The following PLEKHA3 variants were observed in gnomAD, a reference collection of about 807,000 sequenced individuals.
The protein encoded by PLEKHA3 is pleckstrin homology domain-containing family A member 3.
Under a neutral mutation model 39.2 loss-of-function variants are expected in PLEKHA3, and 19 were observed. The ratio of observed to expected loss-of-function variants is 0.48; its 90% CI spans 0.34 to 0.71. PLEKHA3 has a LOEUF of 0.71. Among genes scored for constraint, PLEKHA3 ranks in the 30% least tolerant of loss-of-function variants. The probability of loss-of-function intolerance (pLI) is 0.01; values close to 1 mark genes in which losing one functional copy is unlikely to be tolerated. For missense variants in PLEKHA3, 253 were observed against 359.5 expected, an observed-to-expected ratio of 0.70 and a Z score of 2.40; for synonymous variants, 97 against 118.6, an observed-to-expected ratio of 0.82 and a Z score of 1.18.
At position 178,506,794 on chromosome 2, in the gene PLEKHA3, T is replaced by A. The variant is rs1231615300; in HGVS notation, c.*2907T>A. 2 of 152,206 alleles carry A rather than the reference T, an allele frequency of 1.3e-5. No individual in the cohort carries two copies. The highest frequency in any genetic ancestry group is 4.8e-5 in the African/African-American group (2 of 41,442). 9.4% of individuals were successfully genotyped at this position (152,206 alleles called of 1,614,324 possible). Reference sequence around the variant, plus strand: ...TGTCCTGGCCTGAAAGAAAGCCAGATTAGGCTGCAGGAGTTCCTTTGAGGA... The same window carrying A: ...TGTCCTGGCCTGAAAGAAAGCCAGAATAGGCTGCAGGAGTTCCTTTGAGGA... On this transcript the variant is annotated 3_prime_UTR_variant, in exon 8 of 8. Transcript: ENST00000234453.
chr2:178,495,729 T>A (rs1685431490), intron 5 of PLEKHA3, 69 bp downstream of exon 5: 1 of 1,497,522 alleles, frequency 6.7e-7, no homozygotes, highest in East Asian at 2.3e-5. Flanking sequence ...TTCATTTTGG[T>A]ATTTATTTTT....
rs146862822 is a variant in PLEKHA3 at position 178,495,614 on chromosome 2, A to G, written c.569A>G (p.His190Arg). 3 of 1,613,560 alleles carry G rather than the reference A, an allele frequency of 1.9e-6. No individual in the cohort carries two copies. Among genetic ancestry groups the G allele is most frequent in the African/African-American group, 1.3e-5 (1 of 74,906 alleles). The change falls in exon 5 of 8, where the codon CAT becomes CGT. Residue 190 changes from histidine (H) to arginine (R), a missense_variant. Around this residue, in one of 2 missense-constraint regions of PLEKHA3, gnomAD observed 127 missense variants for 136.8 expected, o/e 0.93. Coordinates refer to ENST00000234453, the MANE Select transcript of PLEKHA3 (RefSeq NM_019091.4). ...KFKPEMFQLH[H>R]PDPLVSPVSP... ...AAACCTGAGATGTTTCAACTGCACC[A>G]TCCGGATCCCTTAGTTTCTCCTGTG...
chr2:178,499,080 A>ATT (rs3214536), intron 5 of PLEKHA3, 131 bp from the exon 6 acceptor site: 1,396 of 666,034 alleles, frequency 2.1e-3, no homozygotes, highest in South Asian at 4.6e-3. Flanking sequence ...GAAAGATTAA[A>ATT]TTTTTTTTTG....
At chr2:178,484,976 CAT>C (rs2154127557) in intron 1 of PLEKHA3, among the ~76,000 whole-genome samples, 1 of 152,322 alleles carries the variant, frequency 6.6e-6, no homozygotes, top group East Asian at 1.9e-4. Flanking sequence ...AAGAGGGGGT[CAT>C]ATGGGGAATC....
At position 178,489,277 on chromosome 2, in the gene PLEKHA3, T is replaced by A. The variant is rs1685305587; in HGVS notation, c.158-1382T>A. 2.0e-5 allele frequency among the ~76,000 whole-genome samples: 3 copies of A among 152,282 alleles called. No homozygotes were observed. In the South Asian group the frequency reaches 6.2e-4, roughly 32 times the overall value. On this transcript the variant is annotated intron_variant, in intron 2 of 7. Transcript: ENST00000234453. ...GACCCATATAAGTAGAATAATAAGA[T>A]AGCAACATTTCTGTGGCACTTACTT... is the stretch of plus-strand genomic sequence containing the variant.
intron 7 of PLEKHA3, 106 bp from the exon 8 acceptor site, chr2:178,503,654 C>A (rs1399394126): frequency 4.1e-6 from 5 of 1,212,182 alleles, no homozygotes; most frequent in Non-Finnish European, 5.7e-6. Flanking sequence ...TAGCCAGAAG[C>A]TAAAGGAATT....
rs780328452 is a variant in PLEKHA3, at chr2:178,493,883, C to G, written c.344C>G (p.Thr115Ser). 6.2e-7 allele frequency: 1 copy of G among 1,613,402 alleles called. No individual in the cohort carries two copies. The highest frequency in any genetic ancestry group is 2.2e-5 in the East Asian group (1 of 44,846). The stretch of plus-strand genomic sequence containing the variant: ...AGTGAAACCAGTGAATCGCTGAAAA[C>G]CAAAATGTCTGAACTTCGCCTCTAC... ...EISETSESLK[T>S]KMSELRLYCD... Residue 115 changes from threonine (T) to serine (S), a missense_variant, in exon 4 of 8, where the codon ACC becomes AGC. Around this residue, in one of 2 missense-constraint regions of PLEKHA3, gnomAD observed 126 missense variants for 222.7 expected, o/e 0.57. Transcript: ENST00000234453.
chr2:178,494,032 G>A (rs1379625466), intron 4 of PLEKHA3, 43 bp downstream of exon 4: 1 of 1,574,170 alleles, frequency 6.4e-7, no homozygotes, highest in East Asian at 2.3e-5. Flanking sequence ...ATGCTTTGGA[G>A]TACTCTGGGG....
At position 178,512,614 on chromosome 2, in the gene PLEKHA3, C is replaced by T. The variant is rs1196535898; in HGVS notation, c.*8727C>T. Reference sequence around the variant, plus strand: ...AGCCATCAGGAGCTATAACCACACTCTTCTTTCTCAACCTTTTCTGGTATT... The same window carrying T: ...AGCCATCAGGAGCTATAACCACACTTTTCTTTCTCAACCTTTTCTGGTATT... On this transcript the variant is annotated 3_prime_UTR_variant, in exon 8 of 8. Coordinates refer to ENST00000234453, the MANE Select transcript of PLEKHA3 (RefSeq NM_019091.4). 6.5e-6 allele frequency: 1 copy of T among 153,692 alleles called. No individual in the cohort carries two copies. The highest frequency in any genetic ancestry group is 2.4e-5 in the African/African-American group (1 of 41,454). The allele number at this position is 153,692 out of a possible 1,614,324, so 9.5% of individuals were successfully genotyped here. A position where few individuals can be genotyped will look rare whatever the true frequency, so the allele number is the denominator to read the frequency against.
chr2:178,488,064 A>T (rs997672972), intron 2 of PLEKHA3, among the ~76,000 whole-genome samples: 2 of 152,012 alleles, frequency 1.3e-5, no homozygotes, highest in Non-Finnish European at 2.9e-5. Flanking sequence ...GCTTGTGCTC[A>T]GGAGTTCGAG....
intron 2 of PLEKHA3, among the ~76,000 whole-genome samples, chr2:178,489,219 T>C (rs183864646): frequency 1.3e-5 from 2 of 152,324 alleles, no homozygotes; most frequent in Admixed American, 1.3e-4. Context: ...GATTGTTGCA[T>C]GGTTGTATGT....
rs1449730725 is a variant in PLEKHA3 at position 178,513,731 on chromosome 2, A to C, written c.*9844A>C. ...GTAGAAGTTACCACTACTTGGTCAA[A>C]ATAGAGAGTTGTGGGTTTTTTTTTT... is the stretch of plus-strand genomic sequence containing the variant. On this transcript the variant is annotated 3_prime_UTR_variant, in exon 8 of 8. Transcript: ENST00000234453. 3.3e-5 allele frequency: 5 copies of C among 152,046 alleles called. No individual in the cohort carries two copies. Among genetic ancestry groups the C allele is most frequent in the Non-Finnish European group, 7.4e-5 (5 of 67,982 alleles). The allele number at this position is 152,046 out of a possible 1,614,324, so 9.4% of individuals were successfully genotyped here.
chr2:178,493,543 A>G (rs1391952114), intron 3 of PLEKHA3, among the ~76,000 whole-genome samples: 2 of 152,242 alleles, frequency 1.3e-5, no homozygotes, highest in Non-Finnish European at 2.9e-5. Flanking sequence ...AGCAATTCAC[A>G]AAAGAAAACC....
chr2:178,507,658 G>GTTTTTTTTTTTTTTTTT lies in PLEKHA3; in HGVS notation c.*3791_*3807dup, dbSNP rs35052196. The GTTTTTTTTTTTTTTTTT allele has an allele frequency of 3.5e-4, 10 of 28,814 alleles. 2 individuals are homozygous for GTTTTTTTTTTTTTTTTT. The highest frequency in any genetic ancestry group is 4.9e-3 in the South Asian group (2 of 408). 1.8% of individuals were successfully genotyped at this position (28,814 alleles called of 1,614,324 possible). On this transcript the variant is annotated 3_prime_UTR_variant, in exon 8 of 8. Transcript: ENST00000234453. ...CCTTTAGTTTTTAGTCTCACATTAG[G>GTTTTTTTTTTTTTTTTT]TTTTTTTTTTTTTTTTTTTTTTTTT...
intron 3 of PLEKHA3, among the ~76,000 whole-genome samples, chr2:178,492,556 G>A (rs1685366250): frequency 6.6e-6 from 1 of 151,310 alleles, no homozygotes; most frequent in African/African-American, 2.4e-5. Flanking sequence ...GCACCAGCAT[G>A]GCACATGTAT....
At chr2:178,485,479 C>T (rs950600628) in intron 1 of PLEKHA3, among the ~76,000 whole-genome samples, 162 bp from the exon 2 acceptor site, 2 of 152,136 alleles carry the variant, frequency 1.3e-5, no homozygotes, top group African/African-American at 2.4e-5. Flanking sequence ...GAGACTGATG[C>T]AAAAACATTT....
At chr2:178,503,531 TC>T (rs1685562512) in intron 7 of PLEKHA3, among the ~76,000 whole-genome samples, 4 of 151,980 alleles carry the variant, frequency 2.6e-5, no homozygotes, top group African/African-American at 9.7e-5. Context: ...AATCTCTACT[TC>T]AGGCAATTTC....
chr2:178,504,820 A>G lies in PLEKHA3; in HGVS notation c.*933A>G, dbSNP rs1000134292. 2.0e-5 allele frequency: 3 copies of G among 152,478 alleles called. No homozygotes were observed. The highest frequency in any genetic ancestry group is 6.6e-5 in the Admixed American group (1 of 15,258). The allele number at this position is 152,478 out of a possible 1,614,324, so 9.4% of individuals were successfully genotyped here. A position where few individuals can be genotyped will look rare whatever the true frequency, so the allele number is the denominator to read the frequency against. ...ATTTATACAAAAAGGAATTCTGTCA[A>G]GATGACTGCTCTATATCACTTGAGA... On this transcript the variant is annotated 3_prime_UTR_variant, in exon 8 of 8. Coordinates refer to ENST00000234453, the MANE Select transcript of PLEKHA3 (RefSeq NM_019091.4).
intron 1 of PLEKHA3, among the ~76,000 whole-genome samples, chr2:178,485,327 A>G (rs1163140145): frequency 6.6e-6 from 1 of 152,218 alleles, no homozygotes; most frequent in Non-Finnish European, 1.5e-5. Context: ...GAGGGCAGTT[A>G]TGCTATACCC....
Sources: allele counts gnomAD v4.1 joint callset (sites outside exome capture counted in the v4.1 genomes callset), GRCh38; gene constraint gnomAD v4.1.1; regional missense constraint gnomAD v4.1.1; transcripts MANE v1.5; gene names NCBI Gene and HGNC (gene_info 2026-07-23, HGNC 2026-07-21).